The following KCNK9 variants were observed in gnomAD, a reference collection of about 807,000 sequenced individuals.
KCNK9 encodes the protein potassium channel subfamily K member 9.
KCNK9 carries 1 observed loss-of-function variant against 10.8 expected under a neutral mutation model. The ratio of observed to expected loss-of-function variants is 0.09; its 90% CI spans 0.03 to 0.44. KCNK9 has a LOEUF of 0.44. Ranked by LOEUF, KCNK9 falls within the 20% of genes least tolerant of loss-of-function variation. KCNK9 has a pLI of 0.97. For missense variants in KCNK9, 303 were observed against 515.0 expected, an observed-to-expected ratio of 0.59 and a Z score of 3.98; for synonymous variants, 231 against 222.7, an observed-to-expected ratio of 1.04 and a Z score of -0.33.
intron 1 of KCNK9, among the ~76,000 whole-genome samples, chr8:139,653,683 A>T (rs1217695662): frequency 1.3e-5 from 2 of 152,126 alleles, no homozygotes; most frequent in African/African-American, 4.8e-5. Context: ...TTTAATAGAT[A>T]CTCAAACGCA....
intron 1 of KCNK9, among the ~76,000 whole-genome samples, chr8:139,653,567 C>T (rs1201408759): frequency 6.6e-6 from 1 of 151,616 alleles, no homozygotes; most frequent in East Asian, 2.0e-4. Context: ...GGCTGAGATG[C>T]TTCATGGGAA....
intron 1 of KCNK9, among the ~76,000 whole-genome samples, chr8:139,633,152 T>C (rs1245675827): frequency 6.6e-6 from 1 of 151,886 alleles, no homozygotes; most frequent in Non-Finnish European, 1.5e-5. Context: ...CACACATGTA[T>C]ACAGAAACAT....
At chr8:139,682,308 C>G (rs528703256) in intron 1 of KCNK9, among the ~76,000 whole-genome samples, 2 of 152,100 alleles carry the variant, frequency 1.3e-5, no homozygotes, top group East Asian at 1.9e-4. Context: ...CAGACACAGG[C>G]GGGTGGGGGC....
intron 1 of KCNK9, among the ~76,000 whole-genome samples, chr8:139,687,427 T>G (rs1263602535): frequency 7.2e-6 from 1 of 138,732 alleles, no homozygotes; most frequent in African/African-American, 2.9e-5. Context: ...TGTGTATACA[T>G]ATATATTCAT....
intron 1 of KCNK9, among the ~76,000 whole-genome samples, chr8:139,664,912 C>T (rs1816260029): frequency 6.6e-6 from 1 of 152,124 alleles, no homozygotes; most frequent in South Asian, 2.1e-4. Flanking sequence ...GAAAGATAAC[C>T]CTCCCCCAGC....
chr8:139,679,139 C>G (rs565788118), intron 1 of KCNK9, among the ~76,000 whole-genome samples: 14 of 152,216 alleles, frequency 9.2e-5, no homozygotes, highest in Non-Finnish European at 2.1e-4. Flanking sequence ...TTATTTAAAA[C>G]AACAACGGGC....
downstream of KCNK9, among the ~76,000 whole-genome samples, chr8:139,614,064 C>T (rs1814508093): frequency 6.6e-6 from 1 of 152,172 alleles, no homozygotes; most frequent in Non-Finnish European, 1.5e-5. Flanking sequence ...TCTCCTTGCT[C>T]ACCTCCCTCT....
rs1261831647 is a variant in KCNK9 at position 139,702,446 on chromosome 8, G to T, written c.283+264C>A. Among the ~76,000 whole-genome samples, 2 of 152,168 alleles carry T rather than the reference G, an allele frequency of 1.3e-5. No homozygotes were observed. The highest frequency in any genetic ancestry group is 2.9e-5 in the Non-Finnish European group (2 of 68,034). On this transcript the variant is annotated intron_variant, in intron 1 of 1. Transcript: ENST00000520439. This position sits in a 1 kb window ranked among gnomAD's most constrained non-coding sequence, Gnocchi z 7.5. ...GCAAAAGTGGCGCCTCCGCCCTCCC[G>T]GCTCAGGCACACTCGCTCGGGGCTC...
intron 1 of KCNK9, among the ~76,000 whole-genome samples, chr8:139,649,997 G>A (rs1815812556): frequency 6.6e-6 from 1 of 152,172 alleles, no homozygotes; most frequent in African/African-American, 2.4e-5. Flanking sequence ...GGCAGTGGGG[G>A]AGCAAGCCAG....
chr8:139,607,905 G>C (rs1450945196), downstream of KCNK9, among the ~76,000 whole-genome samples: 1 of 152,190 alleles, frequency 6.6e-6, no homozygotes, highest in African/African-American at 2.4e-5. Flanking sequence ...TGTAGGAAAG[G>C]ATAAGTGACT....
intron 1 of KCNK9, among the ~76,000 whole-genome samples, chr8:139,639,216 G>A (rs1319657725): frequency 1.3e-5 from 2 of 152,152 alleles, no homozygotes; most frequent in South Asian, 2.1e-4. Flanking sequence ...ACCACTCACC[G>A]AGCACTCGCT....
downstream of KCNK9, among the ~76,000 whole-genome samples, chr8:139,608,330 T>C (rs1291220769): frequency 6.6e-6 from 1 of 152,050 alleles, no homozygotes; most frequent in Non-Finnish European, 1.5e-5. Flanking sequence ...CACCCAGTGT[T>C]TTCGGTGGTT....
intron 1 of KCNK9, among the ~76,000 whole-genome samples, chr8:139,647,661 G>C (rs975544629): frequency 6.6e-6 from 1 of 152,216 alleles, no homozygotes; most frequent in Non-Finnish European, 1.5e-5. Context: ...AGGTGGCGGT[G>C]ATGGCAGGGA....
chr8:139,649,383 G>A (rs1196126116), intron 1 of KCNK9, among the ~76,000 whole-genome samples: 2 of 152,168 alleles, frequency 1.3e-5, no homozygotes, highest in Non-Finnish European at 2.9e-5. Context: ...GGCTGCAAGT[G>A]GACACTGAGG....
intron 1 of KCNK9, among the ~76,000 whole-genome samples, chr8:139,678,899 A>G (rs1291664499): frequency 1.3e-5 from 2 of 152,000 alleles, no homozygotes; most frequent in African/African-American, 4.8e-5. Context: ...GCACAGCTAA[A>G]TCCAGCTTTT....
rs147181979 is a variant in KCNK9, at chr8:139,688,555, G to A, written c.283+14155C>T. Among the ~76,000 whole-genome samples, 37 of 152,300 alleles carry A rather than the reference G, an allele frequency of 2.4e-4. No individual in the cohort carries two copies. In the East Asian group the frequency reaches 6.7e-3, roughly 28 times the overall value. On this transcript the variant is annotated intron_variant, in intron 1 of 1. Coordinates refer to ENST00000520439, the MANE Select transcript of KCNK9 (RefSeq NM_001282534.2). ...TCACTTCCCTCCCTTGACACATGGG[G>A]ATTACAGGTCTCTCCCTCAACACGT...
rs955190115 is a variant in KCNK9, at chr8:139,693,355, G to A, written c.283+9355C>T. On this transcript the variant is annotated intron_variant, in intron 1 of 1. Transcript: ENST00000520439. This position sits in a 1 kb window ranked among gnomAD's most constrained non-coding sequence, Gnocchi z 4.1. ...ACTCAGCAGGACAGATCCCTAACCT[G>A]TTGTCTTCCATTAAAAGCAACAGCT... Among the ~76,000 whole-genome samples the A allele has an allele frequency of 6.6e-4, 100 of 152,142 alleles. No individual in the cohort carries two copies. The highest frequency in any genetic ancestry group is 1.0e-3 in the Non-Finnish European group (71 of 68,034).
chr8:139,677,817 C>G (rs1214844771), intron 1 of KCNK9, among the ~76,000 whole-genome samples: 1 of 118,978 alleles, frequency 8.4e-6, no homozygotes, highest in South Asian at 2.8e-4. Context: ...CCCAGCCCAA[C>G]AGGTCCCCAC....
intron 1 of KCNK9, among the ~76,000 whole-genome samples, chr8:139,680,759 C>T (rs1328461206): frequency 6.6e-6 from 1 of 152,160 alleles, no homozygotes; most frequent in Non-Finnish European, 1.5e-5. Flanking sequence ...TCTCTGGGGC[C>T]ACCCATTATT....
Sources: allele counts gnomAD v4.1 joint callset (sites outside exome capture counted in the v4.1 genomes callset), GRCh38; gene constraint gnomAD v4.1.1; non-coding constraint Gnocchi (gnomAD v3.1); transcripts MANE v1.5; gene names NCBI Gene and HGNC (gene_info 2026-07-23, HGNC 2026-07-21).